The following COL19A1 variants were observed in gnomAD, a reference collection of about 807,000 sequenced individuals.
COL19A1 encodes collagen alpha-1(XIX) chain.
COL19A1 carries 159 observed loss-of-function variants against 190.2 expected under a neutral mutation model. The ratio of observed to expected loss-of-function variants is 0.84; its 90% CI spans 0.73 to 0.95. The LOEUF (loss-of-function observed/expected upper bound fraction) is 0.95. Ranked by LOEUF, COL19A1 falls within the 40% of genes least tolerant of loss-of-function variation. The pLI is 0.00. For missense variants in COL19A1, 1,418 were observed against 1,431.9 expected (o/e 0.99, Z 0.16); for synonymous variants, 509 against 458.9 (o/e 1.11, Z -1.39).
chr6:69,968,133 G>A (rs1163164989), intron 11 of COL19A1, among the ~76,000 whole-genome samples: 1 of 152,096 alleles, frequency 6.6e-6, no homozygotes, highest in African/African-American at 2.4e-5. Context: ...GATTTTATTA[G>A]CACTAATTTT....
chr6:69,931,084 ATC>A (rs1772731691), intron 6 of COL19A1, among the ~76,000 whole-genome samples: 1 of 152,180 alleles, frequency 6.6e-6, no homozygotes, highest in South Asian at 2.1e-4. Flanking sequence ...ATTTTTCATC[ATC>A]TCTGTACAAG....
At chr6:69,938,825 G>C (rs1388078913) in intron 9 of COL19A1, among the ~76,000 whole-genome samples, 1 of 152,016 alleles carries the variant, frequency 6.6e-6, no homozygotes, top group East Asian at 1.9e-4. Flanking sequence ...TAACTGTAAT[G>C]TTTCTGACTC....
At chr6:70,127,427 C>CAGGTTGCCTTGGTATAGGCAGGT (rs1785268048) in intron 17 of COL19A1, among the ~76,000 whole-genome samples, 1 of 152,074 alleles carries the variant, frequency 6.6e-6, no homozygotes. Context: ...TGATGGTGGG[C>CAGGTTGCCTTGGTATAGGCAGGT]TGCCTGGGTA....
intron 11 of COL19A1, among the ~76,000 whole-genome samples, chr6:70,000,029 A>G (rs938681468): frequency 6.6e-6 from 1 of 151,796 alleles, no homozygotes; most frequent in Non-Finnish European, 1.5e-5. Context: ...CCATCCCTCA[A>G]CAGCCCCTGG....
intron 41 of COL19A1, 31 bp from the exon 42 acceptor site, chr6:70,176,489 T>A: frequency 6.2e-7 from 1 of 1,607,408 alleles, no homozygotes; most frequent in South Asian, 1.1e-5. Flanking sequence ...ATTGATGTCA[T>A]TAAAGTAGCA....
intron 2 of COL19A1, among the ~76,000 whole-genome samples, chr6:69,887,419 T>C (rs1451860222): frequency 6.6e-6 from 1 of 152,234 alleles, no homozygotes. Context: ...TGTTGAGATA[T>C]TACACACACC....
intron 4 of COL19A1, among the ~76,000 whole-genome samples, chr6:69,926,472 C>A (rs1772404572): frequency 1.3e-5 from 2 of 151,950 alleles, no homozygotes; most frequent in Non-Finnish European, 2.9e-5. Flanking sequence ...AGCAGCAAAT[C>A]AAATTTTTGA....
At chr6:70,072,043 A>G (rs1405913167) in intron 15 of COL19A1, among the ~76,000 whole-genome samples, 1 of 152,088 alleles carries the variant, frequency 6.6e-6, no homozygotes, top group East Asian at 1.9e-4. Context: ...CAAACAATGG[A>G]GATTGTGGTG....
rs118138361 is a variant in COL19A1 at position 70,030,728 on chromosome 6, G to A, written c.1081-3517G>A. On this transcript the variant is annotated intron_variant, in intron 12 of 50. Transcript: ENST00000620364. The stretch of plus-strand genomic sequence containing the variant: ...TAATAAATTTCTCTGCTCAGTGAAT[G>A]GGATAACTTCCTAGCCAGTTACTTA... Among the ~76,000 whole-genome samples the A allele has an allele frequency of 3.1e-3, 478 of 152,256 alleles. 4 individuals are homozygous for A. The Middle Eastern group carries it at 0.044, about 14-fold the overall frequency.
intron 49 of COL19A1, among the ~76,000 whole-genome samples, chr6:70,202,527 G>A (rs1471705230): frequency 6.6e-6 from 1 of 152,154 alleles, no homozygotes; most frequent in African/African-American, 2.4e-5. Flanking sequence ...AAATTAAATG[G>A]TTGGTTTGAA....
chr6:70,027,973 G>T (rs373389321), intron 12 of COL19A1, among the ~76,000 whole-genome samples: 16 of 152,068 alleles, frequency 1.1e-4, no homozygotes, highest in African/African-American at 3.6e-4. Context: ...TTCTTTATTT[G>T]CACCATGGAA....
At chr6:69,896,102 G>A (rs1365558712) in intron 2 of COL19A1, among the ~76,000 whole-genome samples, 2 of 151,608 alleles carry the variant, frequency 1.3e-5, no homozygotes, top group Non-Finnish European at 2.9e-5. Flanking sequence ...AAGAGGTTTT[G>A]TTGCTCCACA....
At chr6:69,907,071 G>A (rs930556505) in intron 4 of COL19A1, among the ~76,000 whole-genome samples, 3 of 150,614 alleles carry the variant, frequency 2.0e-5, no homozygotes, top group Admixed American at 6.6e-5. Context: ...TTTTCTACAC[G>A]GACCTTTACA....
At chr6:69,990,418 T>TA (rs1222357009) in intron 11 of COL19A1, among the ~76,000 whole-genome samples, 2 of 152,114 alleles carry the variant, frequency 1.3e-5, no homozygotes, top group Admixed American at 6.6e-5. Flanking sequence ...AATAGTATCA[T>TA]AAAATCATAA....
intron 11 of COL19A1, among the ~76,000 whole-genome samples, chr6:69,994,338 C>G (rs1343394095): frequency 6.6e-6 from 1 of 151,996 alleles, no homozygotes; most frequent in African/African-American, 2.4e-5. Flanking sequence ...TATTAATGCC[C>G]AAGCAAATAA....
At chr6:69,969,616 T>C (rs1293146140) in intron 11 of COL19A1, among the ~76,000 whole-genome samples, 1 of 152,230 alleles carries the variant, frequency 6.6e-6, no homozygotes, top group Non-Finnish European at 1.5e-5. Flanking sequence ...ACTATTTACA[T>C]AGCATTTACA....
In COL19A1 at chr6:69,962,880, T is replaced by C. The variant is rs1774885040; in HGVS notation, c.1026+10T>C. On this transcript the variant is annotated intron_variant, in intron 11 of 50. Coordinates refer to ENST00000620364, the MANE Select transcript of COL19A1 (RefSeq NM_001858.6). ...AGAAACTGGTGAAAAGGTAAATATC[T>C]CTTTTTACATTCACATCTGTAAAAA... 1 of 1,596,906 alleles carries C rather than the reference T, an allele frequency of 6.3e-7. No individual in the cohort carries two copies. Among genetic ancestry groups the C allele is most frequent in the Non-Finnish European group, 8.6e-7 (1 of 1,168,232 alleles).
intron 11 of COL19A1, among the ~76,000 whole-genome samples, chr6:69,995,053 CTT>C (rs1776824251): frequency 6.6e-6 from 1 of 152,158 alleles, no homozygotes; most frequent in South Asian, 2.1e-4. Context: ...CACACTCTCT[CTT>C]TCTTTCTCTT....
At chr6:70,101,214 TTG>T (rs1783612707) in intron 15 of COL19A1, among the ~76,000 whole-genome samples, 1 of 152,186 alleles carries the variant, frequency 6.6e-6, no homozygotes, top group Non-Finnish European at 1.5e-5. Context: ...TCAAATAGAA[TTG>T]TTAGTAACAA....
Sources: allele counts gnomAD v4.1 joint callset (sites outside exome capture counted in the v4.1 genomes callset), GRCh38; gene constraint gnomAD v4.1.1; transcripts MANE v1.5; gene names NCBI Gene and HGNC (gene_info 2026-07-23, HGNC 2026-07-21).